Variants in P2RY12 observed in about 807,000 individuals in gnomAD.
P2RY12 encodes purinergic receptor P2Y12, also known as P2Y purinoceptor 12.
A neutral mutation model predicts 4.5 loss-of-function variants in P2RY12; 3 were observed. That is an observed-to-expected ratio of 0.67 (90% CI 0.31 to 1.74). The LOEUF is 1.74. P2RY12 is among the 40% of genes most tolerant of loss of function. P2RY12 has a pLI of 0.09. For synonymous variants in P2RY12, 148 were observed against 154.1 expected, an observed-to-expected ratio of 0.96 and a Z score of 0.29; for missense variants, 356 against 407.8, an observed-to-expected ratio of 0.87 and a Z score of 1.09.
intron 1 of P2RY12, chr3:151,378,263 A>AC: frequency 1.6e-6 from 2 of 1,275,350 alleles, no homozygotes; most frequent in African/African-American, 1.5e-5. Context: ...CACTGTACCC[A>AC]CAGTCCACTG....
chr3:151,383,746 A>T (rs1319950063), intron 1 of P2RY12: 13 of 1,408,482 alleles, frequency 9.2e-6, no homozygotes, highest in Non-Finnish European at 1.3e-5. Context: ...TGTTTTACAG[A>T]ATGCAAATAT....
intron 1 of P2RY12, chr3:151,364,918 AT>A: frequency 1.7e-6 from 2 of 1,191,146 alleles, no homozygotes; most frequent in Non-Finnish European, 2.5e-6. Flanking sequence ...CTTAAGTGAA[AT>A]AGTTTTCTAG....
At chr3:151,352,728 A>G (rs1753390268) in intron 1 of P2RY12, among the ~76,000 whole-genome samples, 1 of 152,210 alleles carries the variant, frequency 6.6e-6, no homozygotes, top group South Asian at 2.1e-4. Context: ...CAGTTGAATG[A>G]TCAAAGTTCA....
In P2RY12 at chr3:151,338,272, A is replaced by G; in HGVS notation, c.574T>C (p.Tyr192His). 1 of 1,614,030 alleles carries G rather than the reference A, an allele frequency of 6.2e-7. No individual in the cohort carries two copies. The highest frequency in any genetic ancestry group is 8.5e-7 in the Non-Finnish European group (1 of 1,179,928). The change falls in exon 3 of 3, where the codon TAC becomes CAC. Residue 192 changes from tyrosine (Y) to histidine (H), a missense_variant. Tyr to His is a moderately conservative substitution (Grantham distance 83, BLOSUM62 2). Transcript: ENST00000302632. Reference sequence around the variant, plus strand: ...ATCCAGAAAATGACTTGACAGATGTAATTTACTATTTCATGCCAGACTAGA... The same window carrying G: ...ATCCAGAAAATGACTTGACAGATGTGATTTACTATTTCATGCCAGACTAGA... ...FGLVWHEIVN[Y>H]ICQVIFWINF...
At chr3:151,357,097 T>C in intron 1 of P2RY12, 1 of 914,710 alleles carries the variant, frequency 1.1e-6, no homozygotes, top group East Asian at 2.7e-5. Flanking sequence ...AAAAGTTAAA[T>C]TTAGGGAATG....
chr3:151,372,576 A>G (rs1163795872), intron 1 of P2RY12: 5 of 1,613,710 alleles, frequency 3.1e-6, no homozygotes, highest in South Asian at 2.2e-5. Context: ...GGAGATGCCA[A>G]AATTGGCAAT....
At chr3:151,376,129 T>C in intron 1 of P2RY12, 1 of 1,611,320 alleles carries the variant, frequency 6.2e-7, no homozygotes, top group Non-Finnish European at 8.5e-7. Flanking sequence ...CAGAAATTAC[T>C]GCAGCTTATC....
At position 151,360,708 on chromosome 3, in the gene P2RY12, A is replaced by G. The variant is rs530879247; in HGVS notation, c.-179-19948T>C. On this transcript the variant is annotated intron_variant, in intron 1 of 2. Coordinates refer to ENST00000302632, the MANE Select transcript of P2RY12 (RefSeq NM_022788.5). ...TTTTGAATAATGAAAGCTAATTGCA[A>G]TTGTATCTATTAGGCAGTAATTTTG... The G allele has an allele frequency of 1.0e-3, 1,118 of 1,076,132 alleles. 7 individuals carry two copies. The highest frequency in any genetic ancestry group is 1.2e-3 in the Non-Finnish European group (892 of 739,570). 66.7% of individuals were successfully genotyped at this position (1,076,132 alleles called of 1,614,324 possible).
intron 1 of P2RY12, among the ~76,000 whole-genome samples, chr3:151,361,120 C>A (rs1327726842): frequency 1.3e-5 from 2 of 152,048 alleles, no homozygotes; most frequent in Admixed American, 6.6e-5. Context: ...CTTGGATTAG[C>A]TTTAATATCC....
At chr3:151,375,863 T>A (rs1471568798) in intron 1 of P2RY12, among the ~76,000 whole-genome samples, 1 of 152,090 alleles carries the variant, frequency 6.6e-6, no homozygotes, top group African/African-American at 2.4e-5. Context: ...ATGCTAAAAA[T>A]TTTGTTTTTT....
At chr3:151,376,675 C>A in intron 1 of P2RY12, 1 of 775,686 alleles carries the variant, frequency 1.3e-6, no homozygotes, top group Non-Finnish European at 2.1e-6. Flanking sequence ...CCTTTTGACT[C>A]ATATAAATTA....
chr3:151,347,248 A>G (rs908216067), intron 1 of P2RY12, among the ~76,000 whole-genome samples: 3 of 152,140 alleles, frequency 2.0e-5, no homozygotes. Flanking sequence ...TTTTCTCCTT[A>G]TCTTCACCTC....
chr3:151,339,543 T>C (rs144133437), intron 2 of P2RY12, among the ~76,000 whole-genome samples: 159 of 152,198 alleles, frequency 1.0e-3, no homozygotes, highest in African/African-American at 3.4e-3. Context: ...CTGCTTCAAA[T>C]ATTTTAACCC....
At chr3:151,366,578 A>G (rs1434174763) in intron 1 of P2RY12, among the ~76,000 whole-genome samples, 3 of 152,128 alleles carry the variant, frequency 2.0e-5, no homozygotes, top group African/African-American at 7.2e-5. Flanking sequence ...TTCTTTAAAA[A>G]TCTGTCTTGA....
At chr3:151,357,979 A>G (rs1307298655) in intron 1 of P2RY12, among the ~76,000 whole-genome samples, 1 of 152,178 alleles carries the variant, frequency 6.6e-6, no homozygotes, top group African/African-American at 2.4e-5. Flanking sequence ...AAAAACTTAC[A>G]TAAGCTGCTT....
At chr3:151,368,083 T>C (rs1436657483) in intron 1 of P2RY12, 4 of 1,259,384 alleles carry the variant, frequency 3.2e-6, no homozygotes, top group Middle Eastern at 3.8e-4. Flanking sequence ...TTTAGCTTAA[T>C]AGGAAACCTG....
chr3:151,367,503 C>T (rs1755429977), intron 1 of P2RY12: 1 of 640,004 alleles, frequency 1.6e-6, no homozygotes, highest in Admixed American at 3.2e-5. Flanking sequence ...GGATAATCAT[C>T]ATGATATGTT....
intron 1 of P2RY12, chr3:151,376,319 T>G (rs531834602): frequency 3.2e-6 from 3 of 943,868 alleles, no homozygotes; most frequent in Middle Eastern, 2.5e-4. Context: ...GTGATTTCAA[T>G]TCTGATTTTT....
intron 1 of P2RY12, among the ~76,000 whole-genome samples, chr3:151,346,680 ATTTGCTGGC>A (rs1752586229): frequency 6.6e-6 from 1 of 152,028 alleles, no homozygotes; most frequent in African/African-American, 2.4e-5. Context: ...TATGTGCACC[ATTTGCTGGC>A]TTATTTCTCC....
Sources: allele counts gnomAD v4.1 joint callset (sites outside exome capture counted in the v4.1 genomes callset), GRCh38; gene constraint gnomAD v4.1.1; transcripts MANE v1.5; gene names NCBI Gene and HGNC (gene_info 2026-07-23, HGNC 2026-07-21).